The following SNX19 variants were observed in gnomAD, a reference collection of about 807,000 sequenced individuals.
SNX19 encodes sorting nexin 19.
In SNX19, 60 loss-of-function variants were observed where a neutral mutation model predicts 85.2. The observed-to-expected ratio is 0.70, with a 90% CI of 0.57 to 0.87. The LOEUF (loss-of-function observed/expected upper bound fraction) is 0.87, where lower values mean the gene tolerates loss of function less well. Ranked by LOEUF, SNX19 falls within the 40% of genes least tolerant of loss-of-function variation. The pLI, the probability that SNX19 is intolerant of heterozygous loss-of-function variation, is 0.00. For synonymous variants in SNX19, 520 were observed against 470.0 expected (o/e 1.11, Z -1.38); for missense variants, 1,201 against 1,217.8 (o/e 0.99, Z 0.21).
rs1429992632 is a variant in SNX19 at position 130,877,380 on chromosome 11, C to G, written c.*1042G>C. Reference sequence around the variant, plus strand: ...GTGTTGTTAAAGGACTGATTATAACCGTAAGGAATGGGAAATAAGAAGCTA... The same window carrying G: ...GTGTTGTTAAAGGACTGATTATAACGGTAAGGAATGGGAAATAAGAAGCTA... On this transcript the variant is annotated 3_prime_UTR_variant, in exon 11 of 11. Transcript: ENST00000265909. 6.6e-6 allele frequency: 1 copy of G among 152,178 alleles called. No individual in the cohort carries two copies. Among genetic ancestry groups the G allele is most frequent in the Non-Finnish European group, 1.5e-5 (1 of 68,040 alleles). The allele number at this position is 152,178 out of a possible 1,614,324, so 9.4% of individuals were successfully genotyped here. A position where few individuals can be genotyped will look rare whatever the true frequency, so the allele number is the denominator to read the frequency against.
intron 6 of SNX19, 97 bp downstream of exon 6, chr11:130,906,528 G>T: frequency 1.2e-6 from 1 of 848,938 alleles, no homozygotes; most frequent in Non-Finnish European, 2.0e-6. Flanking sequence ...CATTTAGCAG[G>T]ACATTTCTGA....
At position 130,878,607 on chromosome 11, in the gene SNX19, A is replaced by C. The variant is rs1943419818; in HGVS notation, c.2847-53T>G. ...GTCTGGCTCAATCAGGAAACACAAG[A>C]TCCTGTTTATGACATTTATTTTCTC... On this transcript the variant is annotated intron_variant, in intron 10 of 10. Coordinates refer to ENST00000265909, the MANE Select transcript of SNX19 (RefSeq NM_014758.3). The C allele has an allele frequency of 7.6e-6, 12 of 1,584,944 alleles. No individual in the cohort carries two copies. In the Admixed American group the frequency reaches 2.1e-4, roughly 27 times the overall value.
intron 8 of SNX19, chr11:130,881,181 T>C (rs1943640257): frequency 1.9e-5 from 3 of 162,152 alleles, no homozygotes; most frequent in Admixed American, 1.3e-4. Flanking sequence ...ATTCAGTTTA[T>C]GGTATTTTGT....
chr11:130,916,357 G>A lies in SNX19; in HGVS notation c.-418C>T, dbSNP rs1253973779. On this transcript the variant is annotated 5_prime_UTR_variant, in exon 1 of 11. An upstream open reading frame in the 5' UTR gains an earlier in-frame stop. Coordinates refer to ENST00000265909, the MANE Select transcript of SNX19 (RefSeq NM_014758.3). ...GCGCGCCCACACTCAGCCCCGACCT[G>A]AAGTGGACTCATCGCGGTCCTCTCC... is the stretch of plus-strand genomic sequence containing the variant. 2.3e-5 allele frequency: 4 copies of A among 174,662 alleles called. No individual in the cohort carries two copies. The Middle Eastern group carries it at 8.6e-3, about 376-fold the overall frequency. 10.8% of individuals were successfully genotyped at this position (174,662 alleles called of 1,614,324 possible).
At chr11:130,890,159 CTGTG>C (rs1240882387) in intron 8 of SNX19, among the ~76,000 whole-genome samples, 4 of 152,152 alleles carry the variant, frequency 2.6e-5, no homozygotes, top group African/African-American at 9.7e-5. Context: ...AGGTGGAAAA[CTGTG>C]TGAGTCATTC....
At chr11:130,882,594 C>T (rs79543459) in intron 8 of SNX19, among the ~76,000 whole-genome samples, 1,920 of 152,292 alleles carry the variant, frequency 0.013, 38 homozygotes, top group African/African-American at 0.042. Flanking sequence ...CCAACACGAT[C>T]GTATTTGTTA....
At chr11:130,882,891 C>T (rs1943780982) in intron 8 of SNX19, among the ~76,000 whole-genome samples, 1 of 152,198 alleles carries the variant, frequency 6.6e-6, no homozygotes, top group Non-Finnish European at 1.5e-5. Context: ...GTCTTGCAAA[C>T]TAAAATCTTT....
rs572081943 is a variant in SNX19, at chr11:130,908,477, T to C, written c.2035-394A>G. ...CAAGATGTGCATCAGTGGAAGTACA[T>C]AGGTAGGAGTATAAAGAGAAAGGAA... On this transcript the variant is annotated intron_variant, in intron 4 of 10. Transcript: ENST00000265909. 11 of 163,820 alleles carry C rather than the reference T, an allele frequency of 6.7e-5. No individual in the cohort carries two copies. The East Asian group carries it at 1.0e-3, about 16-fold the overall frequency. The allele number at this position is 163,820 out of a possible 1,614,324, so 10.1% of individuals were successfully genotyped here.
rs1173616533 is a variant in SNX19, at chr11:130,914,845, C to T, written c.1095G>A (p.Leu365=). 1.1e-5 allele frequency: 18 copies of T among 1,614,230 alleles called. No homozygotes were observed. Among genetic ancestry groups the T allele is most frequent in the Admixed American group, 3.3e-5 (2 of 60,030 alleles). The change falls in exon 1 of 11, where the codon CTG becomes CTA. Residue 365 remains leucine, a synonymous_variant. Transcript: ENST00000265909. ...HFLQPNVRGP[L]FLCEDSELES... ...CCAGCTCTGAGTCTTCACATAAGAA[C>T]AGGGGACCTCGAACATTTGGCTGTA...
intron 1 of SNX19, among the ~76,000 whole-genome samples, chr11:130,912,984 T>C (rs1946257028): frequency 6.6e-6 from 1 of 152,238 alleles, no homozygotes; most frequent in Non-Finnish European, 1.5e-5. Flanking sequence ...CATAATTGGC[T>C]ATATTATTTC....
intron 10 of SNX19, 92 bp from the exon 11 acceptor site, chr11:130,878,646 G>A (rs754258550): frequency 2.7e-5 from 39 of 1,458,754 alleles, no homozygotes; most frequent in East Asian, 4.6e-5. Context: ...CCCCATCACC[G>A]ACACCCTAAA....
rs1267614063 is a variant in SNX19, at chr11:130,916,011, C to T, written c.-72G>A. 8.7e-6 allele frequency: 12 copies of T among 1,382,778 alleles called. No homozygotes were observed. Among genetic ancestry groups the T allele is most frequent in the African/African-American group, 1.4e-5 (1 of 69,626 alleles). The allele number at this position is 1,382,778 out of a possible 1,614,324, so 85.7% of individuals were successfully genotyped here. A position where few individuals can be genotyped will look rare whatever the true frequency, so the allele number is the denominator to read the frequency against. ...TTACTTCAGAGTTAGGGAAGGGGGG[C>T]ATGAACTGTGTCTCAGATATGGGGC... On this transcript the variant is annotated 5_prime_UTR_variant, in exon 1 of 11. The change abolishes an upstream ATG in the 5' untranslated region. Coordinates refer to ENST00000265909, the MANE Select transcript of SNX19 (RefSeq NM_014758.3).
In SNX19 at chr11:130,916,354, C is replaced by T. The variant is rs1946583320; in HGVS notation, c.-415G>A. ...ACCGCGCGCCCACACTCAGCCCCGA[C>T]CTGAAGTGGACTCATCGCGGTCCTC... On this transcript the variant is annotated 5_prime_UTR_variant, in exon 1 of 11. Transcript: ENST00000265909. 5.3e-6 allele frequency: 1 copy of T among 188,364 alleles called. No individual in the cohort carries two copies. The highest frequency in any genetic ancestry group is 1.1e-5 in the Non-Finnish European group (1 of 88,208). The allele number at this position is 188,364 out of a possible 1,614,324, so 11.7% of individuals were successfully genotyped here.
At chr11:130,895,647 GT>G (rs1481531937) in intron 8 of SNX19, among the ~76,000 whole-genome samples, 3 of 152,132 alleles carry the variant, frequency 2.0e-5, no homozygotes, top group Non-Finnish European at 2.9e-5. Context: ...ATGATATTCT[GT>G]TTTTTGTTAA....
chr11:130,880,930 G>T, intron 8 of SNX19, 124 bp from the exon 9 acceptor site: 1 of 757,520 alleles, frequency 1.3e-6, no homozygotes, highest in Non-Finnish European at 2.0e-6. Context: ...CAAGGTGATG[G>T]CAGTAGGAGG....
In SNX19 at chr11:130,895,227, TACC is replaced by T. The variant is rs1158079882; in HGVS notation, c.2573+8025_2573+8027del. The T allele has an allele frequency of 5.1e-6, 5 of 985,290 alleles. No homozygotes were observed. The African/African-American group carries it at 7.0e-5, about 14-fold the overall frequency. 61.0% of individuals were successfully genotyped at this position (985,290 alleles called of 1,614,324 possible). A position where few individuals can be genotyped will look rare whatever the true frequency, so the allele number is the denominator to read the frequency against. ...CCCCCAAACCTCTTTGCTTAGGCCG[TACC>T]ATGGCTCTGGGAATCAGAATTCCCC... On this transcript the variant is annotated intron_variant, in intron 8 of 10. Transcript: ENST00000265909.
rs11222364 is a variant in SNX19 at position 130,868,695 on chromosome 11, C to A, written c.*9727G>T. 0.096 allele frequency: 14,588 copies of A among 152,252 alleles called. 1,230 individuals are homozygous for A. The highest frequency in any genetic ancestry group is 0.22 in the African/African-American group (9,255 of 41,468). 9.4% of individuals were successfully genotyped at this position (152,252 alleles called of 1,614,324 possible). Reference sequence around the variant, plus strand: ...CCCAACCCCCCGACCACACCCCATGCCCAGTATACTCTTAGAGCAGAGAGG... The same window carrying A: ...CCCAACCCCCCGACCACACCCCATGACCAGTATACTCTTAGAGCAGAGAGG... On this transcript the variant is annotated 3_prime_UTR_variant, in exon 11 of 11. Transcript: ENST00000265909.
At chr11:130,880,427 C>T (rs978367658) in intron 9 of SNX19, among the ~76,000 whole-genome samples, 195 bp downstream of exon 9, 2 of 152,196 alleles carry the variant, frequency 1.3e-5, no homozygotes, top group African/African-American at 4.8e-5. Flanking sequence ...CCCTTGGCAT[C>T]AGCTGAGCAA....
chr11:130,883,623 T>G (rs1313904440), intron 8 of SNX19, among the ~76,000 whole-genome samples: 4 of 152,184 alleles, frequency 2.6e-5, no homozygotes, highest in Admixed American at 1.3e-4. Flanking sequence ...GTTTAAACAT[T>G]TGCTCTCTTT....
Sources: allele counts gnomAD v4.1 joint callset (sites outside exome capture counted in the v4.1 genomes callset), GRCh38; gene constraint gnomAD v4.1.1; transcripts MANE v1.5; gene names NCBI Gene and HGNC (gene_info 2026-07-23, HGNC 2026-07-21).